The following ASTN2 variants were observed in gnomAD, a reference collection of about 807,000 sequenced individuals.
The protein encoded by ASTN2 is astrotactin 2.
A neutral mutation model predicts 139.8 loss-of-function variants in ASTN2; 54 were observed. That is an observed-to-expected ratio of 0.39 (90% CI 0.31 to 0.48). The LOEUF (loss-of-function observed/expected upper bound fraction) is 0.48. ASTN2 is among the 20% of genes least tolerant of loss of function. The pLI is 0.95. For synonymous variants in ASTN2, 756 were observed against 719.5 expected, an observed-to-expected ratio of 1.05 and a Z score of -0.81; for missense variants, 1,565 against 1,725.1, an observed-to-expected ratio of 0.91 and a Z score of 1.64.
At chr9:116,986,173 C>G (rs1836676450) in intron 7 of ASTN2, among the ~76,000 whole-genome samples, 1 of 143,968 alleles carries the variant, frequency 6.9e-6, no homozygotes, top group Non-Finnish European at 1.5e-5. Context: ...CCCCCCCACC[C>G]CCCTGCAGTC....
chr9:116,925,916 A>G (rs1834744191), intron 10 of ASTN2, among the ~76,000 whole-genome samples: 2 of 152,066 alleles, frequency 1.3e-5, no homozygotes, highest in Admixed American at 6.6e-5. Flanking sequence ...ACATGCACAT[A>G]GGGATGCTCA....
At chr9:116,885,893 C>A (rs904599415) in intron 10 of ASTN2, among the ~76,000 whole-genome samples, 1 of 152,184 alleles carries the variant, frequency 6.6e-6, no homozygotes, top group Non-Finnish European at 1.5e-5. Flanking sequence ...TTCATTCATT[C>A]AATCATTTAG....
chr9:116,855,062 A>G (rs188319023), intron 11 of ASTN2, among the ~76,000 whole-genome samples: 4 of 152,230 alleles, frequency 2.6e-5, no homozygotes, highest in East Asian at 1.9e-4. Flanking sequence ...TGACTTCCAC[A>G]CAATAAAACC....
intron 6 of ASTN2, among the ~76,000 whole-genome samples, chr9:117,016,421 C>A (rs1045781743): frequency 6.6e-6 from 1 of 151,390 alleles, no homozygotes; most frequent in Non-Finnish European, 1.5e-5. Flanking sequence ...AATCAAGAAC[C>A]GTCCTGGTGG....
intron 10 of ASTN2, among the ~76,000 whole-genome samples, chr9:116,965,862 C>T (rs1835997540): frequency 6.6e-6 from 1 of 152,148 alleles, no homozygotes; most frequent in Non-Finnish European, 1.5e-5. Context: ...CTAATTCATC[C>T]CTTTACCATC....
At chr9:116,973,210 T>C (rs569000962) in intron 10 of ASTN2, among the ~76,000 whole-genome samples, 5 of 152,302 alleles carry the variant, frequency 3.3e-5, no homozygotes, top group Non-Finnish European at 5.9e-5. Context: ...TTTTTGAATC[T>C]GAAAAATGAG....
At chr9:116,602,940 TGAA>T (rs1395381122) in intron 19 of ASTN2, among the ~76,000 whole-genome samples, 1 of 152,054 alleles carries the variant, frequency 6.6e-6, no homozygotes, top group Non-Finnish European at 1.5e-5. Context: ...CAAAGAATGA[TGAA>T]GAAGAATGTA....
intron 5 of ASTN2, among the ~76,000 whole-genome samples, chr9:117,070,616 G>T (rs895990120): frequency 7.0e-6 from 1 of 143,042 alleles, no homozygotes; most frequent in Non-Finnish European, 1.5e-5. Flanking sequence ...TTCCAACTTG[G>T]TTCCATTCTC....
intron 2 of ASTN2, among the ~76,000 whole-genome samples, chr9:117,254,261 AG>A (rs1363620163): frequency 6.6e-6 from 1 of 152,180 alleles, no homozygotes; most frequent in African/African-American, 2.4e-5. Flanking sequence ...AAAATGATAA[AG>A]GCTATCATTT....
intron 12 of ASTN2, among the ~76,000 whole-genome samples, chr9:116,809,750 C>T (rs551301491): frequency 2.0e-5 from 3 of 152,066 alleles, no homozygotes; most frequent in South Asian, 4.1e-4. Flanking sequence ...CTGTGCTGGG[C>T]GCTTCTGATA....
chr9:117,230,592 C>G (rs1832860917), intron 2 of ASTN2, among the ~76,000 whole-genome samples: 1 of 152,146 alleles, frequency 6.6e-6, no homozygotes, highest in Non-Finnish European at 1.5e-5. Flanking sequence ...TGTCAGGACA[C>G]TATTAAACCC....
chr9:116,563,094 G>A (rs1161609629), intron 19 of ASTN2, among the ~76,000 whole-genome samples: 4 of 152,064 alleles, frequency 2.6e-5, no homozygotes, highest in African/African-American at 9.7e-5. Context: ...CTCCCAGCCA[G>A]GCTGGGTGCG....
At chr9:116,815,804 CAAAAAAAAAA>C (rs55954354) in intron 12 of ASTN2, among the ~76,000 whole-genome samples, 5 of 24,108 alleles carry the variant, frequency 2.1e-4, no homozygotes, top group Non-Finnish European at 6.7e-5. Flanking sequence ...GACTCCGTCT[CAAAAAAAAAA>C]AAAAAAAAAA....
chr9:116,843,054 T>C (rs1232850288), intron 11 of ASTN2, among the ~76,000 whole-genome samples: 1 of 152,176 alleles, frequency 6.6e-6, no homozygotes, highest in Non-Finnish European at 1.5e-5. Flanking sequence ...TGAAGAATCT[T>C]ATGTATCCTT....
chr9:116,684,583 T>C (rs1484168922), intron 16 of ASTN2, among the ~76,000 whole-genome samples: 6 of 152,152 alleles, frequency 3.9e-5, no homozygotes, highest in African/African-American at 1.4e-4. Flanking sequence ...ACTAAAACTA[T>C]AGATGAGAGT....
At chr9:116,498,419 TA>T in intron 19 of ASTN2, among the ~76,000 whole-genome samples, 1 of 148,752 alleles carries the variant, frequency 6.7e-6, no homozygotes, top group East Asian at 2.0e-4. Context: ...ACCCCATCTC[TA>T]AAAAAAAACA....
At chr9:116,977,543 T>G (rs1207135621) in intron 7 of ASTN2, among the ~76,000 whole-genome samples, 1 of 152,100 alleles carries the variant, frequency 6.6e-6, no homozygotes, top group Non-Finnish European at 1.5e-5. Flanking sequence ...CACACTGCCT[T>G]AAGTATATTC....
At chr9:116,917,377 T>C (rs906774931) in intron 10 of ASTN2, among the ~76,000 whole-genome samples, 1 of 151,706 alleles carries the variant, frequency 6.6e-6, no homozygotes, top group Non-Finnish European at 1.5e-5. Context: ...GCAGGGTCCA[T>C]GTCTACTTGG....
intron 20 of ASTN2, among the ~76,000 whole-genome samples, chr9:116,456,243 GAAGA>G (rs1169871711): frequency 6.6e-6 from 1 of 151,614 alleles, no homozygotes; most frequent in Non-Finnish European, 1.5e-5. Context: ...AAAAAGAAAC[GAAGA>G]AAGGAATCCC....
Sources: gnomAD v4.1 joint callset for allele counts (sites outside exome capture counted in the v4.1 genomes callset) on GRCh38, gnomAD v4.1.1 for gene constraint, MANE v1.5 for transcripts, NCBI Gene and HGNC (gene_info 2026-07-23, HGNC 2026-07-21) for gene names.